Variants in PLPPR4 observed in about 807,000 individuals in gnomAD.
PLPPR4 encodes phospholipid phosphatase related 4.
In PLPPR4, 24 loss-of-function variants were observed where a neutral mutation model predicts 56.6. The observed-to-expected ratio is 0.42, with a 90% CI of 0.31 to 0.60. The LOEUF is 0.60. Ranked by LOEUF, PLPPR4 falls within the 20% of genes least tolerant of loss-of-function variation. The probability of loss-of-function intolerance (pLI) is 0.13; values close to 1 mark genes in which losing one functional copy is unlikely to be tolerated. For synonymous variants in PLPPR4, 326 were observed against 328.1 expected (o/e 0.99, Z 0.07); for missense variants, 654 against 885.8 (o/e 0.74, Z 3.32).
chr1:99,264,606 G>C lies in PLPPR4; in HGVS notation c.13G>C (p.Glu5Gln). Residue 5 changes from glutamate to glutamine, a missense_variant, in exon 1 of 7, where the codon GAG (glutamate) becomes CAG (glutamine). Physicochemically the swap from Glu to Gln is conservative, Grantham distance 29. Around this residue, in one of 2 missense-constraint regions of PLPPR4, gnomAD observed 186 missense variants for 331.4 expected, o/e 0.56. Transcript: ENST00000370185. Reference protein sequence around the residue: MSAKERPKGKVIKDS... With the variant: MSAKQRPKGKVIKDS... ...GCAGGCGGCAGGGATGTCGGCGAAGGAGAGGCCAAAGGGCAAAGTGATCAA... is the reference window on the plus strand; with the variant it reads ...GCAGGCGGCAGGGATGTCGGCGAAGCAGAGGCCAAAGGGCAAAGTGATCAA... The C allele has an allele frequency of 6.4e-7, 1 of 1,550,838 alleles. No individual in the cohort carries two copies. The highest frequency in any genetic ancestry group is 8.7e-7 in the Non-Finnish European group (1 of 1,147,026).
At chr1:99,284,984 G>A (rs1010716251) in intron 1 of PLPPR4, among the ~76,000 whole-genome samples, 6 of 152,094 alleles carry the variant, frequency 3.9e-5, no homozygotes, top group African/African-American at 1.2e-4. Flanking sequence ...AGAAGTACTA[G>A]GGGATTAAAA....
intron 2 of PLPPR4, among the ~76,000 whole-genome samples, chr1:99,295,304 C>T (rs538376685): frequency 3.3e-5 from 5 of 152,226 alleles, no homozygotes; most frequent in African/African-American, 1.2e-4. Context: ...ATATTCCCTA[C>T]AGAAGTAAAT....
chr1:99,304,908 C>A (rs1659979729), intron 6 of PLPPR4, among the ~76,000 whole-genome samples: 1 of 152,096 alleles, frequency 6.6e-6, no homozygotes, highest in South Asian at 2.1e-4. Context: ...GATTTTGAGT[C>A]TGAACTTTAG....
At chr1:99,276,680 T>G (rs2100788835) in intron 1 of PLPPR4, among the ~76,000 whole-genome samples, 1 of 152,248 alleles carries the variant, frequency 6.6e-6, no homozygotes, top group South Asian at 2.1e-4. Context: ...ATAAGCTCTA[T>G]CAAGTTCAAG....
At chr1:99,271,732 G>A (rs1659063096) in intron 1 of PLPPR4, among the ~76,000 whole-genome samples, 1 of 152,048 alleles carries the variant, frequency 6.6e-6, no homozygotes, top group Non-Finnish European at 1.5e-5. Context: ...TCAGTGGGTG[G>A]GGGTGAGAGG....
chr1:99,294,429 C>T (rs1659692785), intron 2 of PLPPR4, among the ~76,000 whole-genome samples: 1 of 135,118 alleles, frequency 7.4e-6, no homozygotes, highest in African/African-American at 2.8e-5. Context: ...GGCGCGATGG[C>T]TCATGCCTGT....
chr1:99,266,040 T>G (rs557805170), intron 1 of PLPPR4, among the ~76,000 whole-genome samples: 2 of 152,182 alleles, frequency 1.3e-5, no homozygotes, highest in African/African-American at 4.8e-5. Context: ...TCACAAGAGA[T>G]TTTTGGGAAC....
At chr1:99,287,874 T>C in intron 1 of PLPPR4, 91 bp from the exon 2 acceptor site, 1 of 880,452 alleles carries the variant, frequency 1.1e-6, no homozygotes, top group South Asian at 1.8e-5. Flanking sequence ...CGGAGAAGAG[T>C]AGCGAGAGAA....
Position 99,288,160 on chromosome 1 carries a change from A to AC in PLPPR4, c.264+15dup. 1 of 1,611,952 alleles carries AC rather than the reference A, an allele frequency of 6.2e-7. No individual in the cohort carries two copies. Among genetic ancestry groups the AC allele is most frequent in the East Asian group, 2.2e-5 (1 of 44,818 alleles). On this transcript the variant is annotated intron_variant, in intron 2 of 6. Coordinates refer to ENST00000370185, the MANE Select transcript of PLPPR4 (RefSeq NM_014839.5). Reference sequence around the variant, plus strand: ...TGGACCTGCAATTACGGTAAGAATTACCCCCAAAATTGTGTTTATCTGTCC... The same window carrying AC: ...TGGACCTGCAATTACGGTAAGAATTACCCCCCAAAATTGTGTTTATCTGTCC...
rs187469396 is a variant in PLPPR4 at position 99,271,122 on chromosome 1, G to T, written c.78+6451G>T. Reference sequence around the variant, plus strand: ...AGGAAATAAAAAATACTTGGTTTCTGCCAATTTCAAGGAGATTTTAATAAT... The same window carrying T: ...AGGAAATAAAAAATACTTGGTTTCTTCCAATTTCAAGGAGATTTTAATAAT... On this transcript the variant is annotated intron_variant, in intron 1 of 6. Transcript: ENST00000370185. 7.0e-4 allele frequency among the ~76,000 whole-genome samples: 107 copies of T among 152,108 alleles called. 1 individual carries two copies. The highest frequency in any genetic ancestry group is 3.4e-3 in the Middle Eastern group (1 of 294).
At chr1:99,281,861 T>C (rs1160634029) in intron 1 of PLPPR4, among the ~76,000 whole-genome samples, 1 of 152,218 alleles carries the variant, frequency 6.6e-6, no homozygotes, top group African/African-American at 2.4e-5. Context: ...TATTAAAATC[T>C]TCCTTAATCT....
At position 99,288,160 on chromosome 1, in the gene PLPPR4, AC is replaced by A; in HGVS notation, c.264+15del. ...TGGACCTGCAATTACGGTAAGAATT[AC>A]CCCCAAAATTGTGTTTATCTGTCCT... is the stretch of plus-strand genomic sequence containing the variant. On this transcript the variant is annotated intron_variant, in intron 2 of 6. Transcript: ENST00000370185. The A allele has an allele frequency of 6.2e-7, 1 of 1,611,952 alleles. No homozygotes were observed. Among genetic ancestry groups the A allele is most frequent in the South Asian group, 1.1e-5 (1 of 90,750 alleles).
At chr1:99,303,114 CTGT>C (rs145380521) in intron 6 of PLPPR4, among the ~76,000 whole-genome samples, 1,925 of 152,074 alleles carry the variant, frequency 0.013, 15 homozygotes, top group Non-Finnish European at 0.018. Flanking sequence ...ATGTGTGTAG[CTGT>C]TGTTGTTGTT....
chr1:99,290,428 A>T (rs1659586873), intron 2 of PLPPR4, among the ~76,000 whole-genome samples: 1 of 152,188 alleles, frequency 6.6e-6, no homozygotes, highest in Admixed American at 6.6e-5. Flanking sequence ...TCTTCATAGA[A>T]CTAGAAAAAT....
intron 2 of PLPPR4, among the ~76,000 whole-genome samples, chr1:99,294,957 T>A (rs1456139459): frequency 6.6e-6 from 1 of 152,196 alleles, no homozygotes; most frequent in Admixed American, 6.5e-5. Flanking sequence ...GTGGTTAATT[T>A]TCTGGAAATG....
intron 1 of PLPPR4, among the ~76,000 whole-genome samples, chr1:99,284,974 A>C (rs1659426633): frequency 6.6e-6 from 1 of 152,210 alleles, no homozygotes; most frequent in Admixed American, 6.5e-5. Context: ...TTTCCTAAAA[A>C]GAAGTACTAG....
chr1:99,285,938 C>G (rs1659452608), intron 1 of PLPPR4, among the ~76,000 whole-genome samples: 1 of 152,152 alleles, frequency 6.6e-6, no homozygotes, highest in Non-Finnish European at 1.5e-5. Flanking sequence ...GAGAGCAGGT[C>G]TCTCACTAAG....
At chr1:99,265,984 A>C (rs1181028565) in intron 1 of PLPPR4, among the ~76,000 whole-genome samples, 1 of 152,218 alleles carries the variant, frequency 6.6e-6, no homozygotes, top group Non-Finnish European at 1.5e-5. Context: ...AGAAAAAAAA[A>C]TCTATGTATT....
chr1:99,274,976 A>T (rs1659148548), intron 1 of PLPPR4, among the ~76,000 whole-genome samples: 1 of 152,180 alleles, frequency 6.6e-6, no homozygotes, highest in South Asian at 2.1e-4. Flanking sequence ...TTTGGGAATG[A>T]GTCATCTCAT....
Sources: allele counts gnomAD v4.1 joint callset (sites outside exome capture counted in the v4.1 genomes callset), GRCh38; gene constraint gnomAD v4.1.1; regional missense constraint gnomAD v4.1.1; transcripts MANE v1.5; gene names NCBI Gene and HGNC (gene_info 2026-07-23, HGNC 2026-07-21).